The following DACH1 variants were observed in gnomAD, a reference collection of about 807,000 sequenced individuals.
DACH1 encodes dachshund family transcription factor 1.
Under a neutral mutation model 54.2 loss-of-function variants are expected in DACH1, and 12 were observed. The ratio of observed to expected loss-of-function variants is 0.22; its 90% CI spans 0.14 to 0.36. The LOEUF is 0.36. Among genes scored for constraint, DACH1 ranks in the 10% least tolerant of loss-of-function variants. The pLI is 1.00. For missense variants in DACH1, 805 were observed against 929.8 expected (o/e 0.87, Z 1.75); for synonymous variants, 386 against 366.2 (o/e 1.05, Z -0.62).
At chr13:71,761,215 C>T (rs191439559) in intron 1 of DACH1, among the ~76,000 whole-genome samples, 21 of 152,170 alleles carry the variant, frequency 1.4e-4, no homozygotes, top group Non-Finnish European at 2.1e-4. Context: ...CTCAGGAAAT[C>T]GTTTTTCTTA....
intron 2 of DACH1, among the ~76,000 whole-genome samples, chr13:71,664,862 T>C (rs1392186066): frequency 1.3e-5 from 2 of 152,030 alleles, no homozygotes; most frequent in East Asian, 1.9e-4. Flanking sequence ...ATGTCTAATA[T>C]AGTATCATGA....
intron 1 of DACH1, among the ~76,000 whole-genome samples, chr13:71,837,887 A>T (rs1464064597): frequency 6.6e-6 from 1 of 150,596 alleles, no homozygotes; most frequent in East Asian, 2.0e-4. Context: ...CATCATTCTC[A>T]GTAAACTATC....
chr13:71,500,037 A>G (rs909393659), intron 6 of DACH1, among the ~76,000 whole-genome samples: 2 of 152,188 alleles, frequency 1.3e-5, no homozygotes, highest in Admixed American at 1.3e-4. Context: ...TAATTTCAGA[A>G]AGAAAAAAAA....
intron 10 of DACH1, among the ~76,000 whole-genome samples, chr13:71,458,329 G>T (rs927470002): frequency 6.6e-6 from 1 of 151,624 alleles, no homozygotes; most frequent in Non-Finnish European, 1.5e-5. Context: ...TAATAATATG[G>T]CTTCTCAAAA....
intron 2 of DACH1, among the ~76,000 whole-genome samples, chr13:71,662,061 A>C (rs1394090709): frequency 1.3e-5 from 2 of 152,042 alleles, no homozygotes; most frequent in Non-Finnish European, 2.9e-5. Context: ...ATGACCTCTC[A>C]AGACGTAACA....
chr13:71,798,261 C>T (rs1361297964), intron 1 of DACH1, among the ~76,000 whole-genome samples: 1 of 147,474 alleles, frequency 6.8e-6, no homozygotes, highest in Non-Finnish European at 1.5e-5. Context: ...TTTGACTTTT[C>T]CCCTTTCCGG....
chr13:71,619,164 G>A (rs760808621), intron 3 of DACH1, among the ~76,000 whole-genome samples: 6 of 151,502 alleles, frequency 4.0e-5, no homozygotes, highest in Non-Finnish European at 5.9e-5. Flanking sequence ...GAAAAAGTAA[G>A]ATCTAAATCT....
chr13:71,826,048 T>A (rs758850254), intron 1 of DACH1, among the ~76,000 whole-genome samples: 1 of 152,130 alleles, frequency 6.6e-6, no homozygotes, highest in Non-Finnish European at 1.5e-5. Flanking sequence ...CAATCCTGAT[T>A]CCAAATTTTG....
chr13:71,854,445 C>G (rs1469051647), intron 1 of DACH1, among the ~76,000 whole-genome samples: 5 of 152,046 alleles, frequency 3.3e-5, no homozygotes, highest in Non-Finnish European at 7.4e-5. Context: ...AAGGATTACT[C>G]TACTTTTAGA....
intron 1 of DACH1, among the ~76,000 whole-genome samples, chr13:71,832,994 T>TTTATTA (rs1159228092): frequency 1.3e-5 from 2 of 151,972 alleles, no homozygotes; most frequent in Non-Finnish European, 2.9e-5. Flanking sequence ...TATTTTTATT[T>TTTATTA]TTAATGAAAT....
At chr13:71,758,337 A>G (rs1000760919) in intron 1 of DACH1, among the ~76,000 whole-genome samples, 1 of 152,230 alleles carries the variant, frequency 6.6e-6, no homozygotes, top group African/African-American at 2.4e-5. Context: ...CTGATCCTAT[A>G]AAAAGAGATC....
At chr13:71,549,453 T>C (rs910720910) in intron 6 of DACH1, among the ~76,000 whole-genome samples, 2 of 152,132 alleles carry the variant, frequency 1.3e-5, no homozygotes, top group Non-Finnish European at 2.9e-5. Context: ...CAAGTAAAAC[T>C]ACTATAATGT....
At position 71,466,871 on chromosome 13, in the gene DACH1, A is replaced by G. The variant is rs372047237; in HGVS notation, c.2083+8270T>C. On this transcript the variant is annotated intron_variant, in intron 10 of 10. Coordinates refer to ENST00000613252, the MANE Select transcript of DACH1 (RefSeq NM_080759.6). ...AAAAAAAAAAAAAAAAAAAGACAAC[A>G]GATATATTACAAACTAAGCTCAATC... 6.6e-3 allele frequency among the ~76,000 whole-genome samples: 986 copies of G among 150,380 alleles called. 14 individuals are homozygous for G. The highest frequency in any genetic ancestry group is 0.023 in the African/African-American group (940 of 40,888).
intron 2 of DACH1, among the ~76,000 whole-genome samples, chr13:71,646,712 C>T (rs112942191): frequency 3.8e-4 from 58 of 152,144 alleles, no homozygotes; most frequent in Admixed American, 1.3e-4. Flanking sequence ...GAAAATCCTC[C>T]GTACTTATTT....
At chr13:71,465,080 G>A (rs900563396) in intron 10 of DACH1, among the ~76,000 whole-genome samples, 4 of 151,998 alleles carry the variant, frequency 2.6e-5, no homozygotes, top group African/African-American at 9.7e-5. Flanking sequence ...TCTGCATTCT[G>A]TCCCTAACCA....
intron 10 of DACH1, among the ~76,000 whole-genome samples, chr13:71,454,919 A>G (rs1460784574): frequency 1.3e-5 from 2 of 152,224 alleles, no homozygotes; most frequent in Non-Finnish European, 2.9e-5. Context: ...TCCGTGATAG[A>G]AAAGATGTTC....
At chr13:71,798,111 G>A (rs928414564) in intron 1 of DACH1, among the ~76,000 whole-genome samples, 3 of 151,664 alleles carry the variant, frequency 2.0e-5, no homozygotes, top group Non-Finnish European at 2.9e-5. Flanking sequence ...ATAAAAATAG[G>A]TATAGAAAAG....
At chr13:71,788,168 T>C (rs1003575900) in intron 1 of DACH1, among the ~76,000 whole-genome samples, 2 of 152,148 alleles carry the variant, frequency 1.3e-5, no homozygotes, top group African/African-American at 4.8e-5. Context: ...AATGCCAGAA[T>C]CAAATAGGCA....
chr13:71,639,278 G>A (rs1006041743), intron 2 of DACH1, among the ~76,000 whole-genome samples: 2 of 152,114 alleles, frequency 1.3e-5, no homozygotes, highest in African/African-American at 2.4e-5. Context: ...TAACCAGAAT[G>A]ATAAGCAGAT....
Sources: allele counts gnomAD v4.1 joint callset (sites outside exome capture counted in the v4.1 genomes callset), GRCh38; gene constraint gnomAD v4.1.1; transcripts MANE v1.5; gene names NCBI Gene and HGNC (gene_info 2026-07-23, HGNC 2026-07-21).